KBTBD12: variants seen among roughly 807,000 people sequenced by gnomAD.
The protein encoded by KBTBD12 is kelch repeat and BTB domain-containing protein 12.
In KBTBD12, 53 loss-of-function variants were observed where a neutral mutation model predicts 58.7. The ratio of observed to expected loss-of-function variants is 0.90; its 90% confidence interval spans 0.72 to 1.14. KBTBD12 has a LOEUF of 1.14. KBTBD12 is among the 50% of genes most tolerant of loss of function. The probability of loss-of-function intolerance (pLI) is 0.00; values close to 1 mark genes in which losing one functional copy is unlikely to be tolerated. For missense variants in KBTBD12, 704 were observed against 751.3 expected, an observed-to-expected ratio of 0.94 and a Z score of 0.74; for synonymous variants, 236 against 259.8, an observed-to-expected ratio of 0.91 and a Z score of 0.88.
At chr3:127,969,725 C>T (rs953788765) in intron 5 of KBTBD12, among the ~76,000 whole-genome samples, 2 of 152,136 alleles carry the variant, frequency 1.3e-5, no homozygotes, top group African/African-American at 4.8e-5. Flanking sequence ...AGGAAAGGAT[C>T]CTTTTTTCAA....
chr3:127,923,003 C>A lies in KBTBD12; in HGVS notation c.-59C>A. 2 of 926,904 alleles carry A rather than the reference C, an allele frequency of 2.2e-6. No individual in the cohort carries two copies. The highest frequency in any genetic ancestry group is 1.6e-5 in the African/African-American group (1 of 60,608). 57.4% of individuals were successfully genotyped at this position (926,904 alleles called of 1,614,324 possible). A position where few individuals can be genotyped will look rare whatever the true frequency, so the allele number is the denominator to read the frequency against. ...ATGAGTAATCAGACATGCAAATAGC[C>A]CCTCAGGAATCAAGCTACACTTAAA... is the stretch of plus-strand genomic sequence containing the variant. On this transcript the variant is annotated 5_prime_UTR_variant, in exon 2 of 6. Coordinates refer to ENST00000405109, the MANE Select transcript of KBTBD12 (RefSeq NM_207335.4).
At chr3:127,933,553 A>T (rs146249479) in intron 4 of KBTBD12, among the ~76,000 whole-genome samples, 9 of 152,300 alleles carry the variant, frequency 5.9e-5, no homozygotes, top group African/African-American at 2.2e-4. Flanking sequence ...AAAGCTGCAT[A>T]AACATGCAGC....
intron 2 of KBTBD12, among the ~76,000 whole-genome samples, chr3:127,926,536 C>G (rs4857876): frequency 0.073 from 11,037 of 152,182 alleles, 500 homozygotes; most frequent in Non-Finnish European, 0.099. Flanking sequence ...TTTCTACATT[C>G]AGCTGTGACA....
intron 4 of KBTBD12, among the ~76,000 whole-genome samples, chr3:127,950,816 G>C (rs1269433105): frequency 6.6e-6 from 1 of 152,156 alleles, no homozygotes; most frequent in Non-Finnish European, 1.5e-5. Context: ...TGGATCACCT[G>C]AGGTCAGGAG....
rs190305080 is a variant in KBTBD12 at position 127,923,130 on chromosome 3, C to T, written c.69C>T (p.Asn23=). The stretch of plus-strand genomic sequence containing the variant: ...TGAATTTACTGAATAAAATTCAGAA[C>T]ATGAAAGAATTAGCAGAAATGATTG... ...HSLNLLNKIQ[N]MKELAEMIDV... Residue 23 remains asparagine (N), a synonymous_variant, in exon 2 of 6, where the codon AAC becomes AAT. Transcript: ENST00000405109. 274 of 1,612,354 alleles carry T rather than the reference C, an allele frequency of 1.7e-4. No homozygotes were observed. The highest frequency in any genetic ancestry group is 1.2e-3 in the Middle Eastern group (7 of 6,056).
Position 127,922,995 on chromosome 3 carries a change from C to G in KBTBD12, c.-67C>G. ...GTAGCTTCATGAGTAATCAGACATG[C>G]AAATAGCCCCTCAGGAATCAAGCTA... is the stretch of plus-strand genomic sequence containing the variant. On this transcript the variant is annotated 5_prime_UTR_variant, in exon 2 of 6. Transcript: ENST00000405109. 2.3e-6 allele frequency: 2 copies of G among 875,684 alleles called. No homozygotes were observed. The highest frequency in any genetic ancestry group is 3.6e-6 in the Non-Finnish European group (2 of 550,568). The allele number at this position is 875,684 out of a possible 1,614,324, so 54.2% of individuals were successfully genotyped here. A position where few individuals can be genotyped will look rare whatever the true frequency, so the allele number is the denominator to read the frequency against.
intron 5 of KBTBD12, among the ~76,000 whole-genome samples, chr3:127,964,215 A>G (rs1940514500): frequency 6.6e-6 from 1 of 152,208 alleles, no homozygotes; most frequent in African/African-American, 2.4e-5. Flanking sequence ...CATACCCATG[A>G]AAACATGTGC....
Position 127,963,399 on chromosome 3 carries a change from T to C in KBTBD12, c.1690+13T>C. 2 of 1,574,928 alleles carry C rather than the reference T, an allele frequency of 1.3e-6. No homozygotes were observed. The highest frequency in any genetic ancestry group is 1.7e-6 in the Non-Finnish European group (2 of 1,159,258). On this transcript the variant is annotated intron_variant, in intron 5 of 5. Coordinates refer to ENST00000405109, the MANE Select transcript of KBTBD12 (RefSeq NM_207335.4). ...TTCCATGGAGCAGGTATGGGTCCAGTTTTAAACATTTTGTTACCTCCTTTG... is the reference window on the plus strand; with the variant it reads ...TTCCATGGAGCAGGTATGGGTCCAGCTTTAAACATTTTGTTACCTCCTTTG...
At chr3:127,976,909 A>G (rs1940794208) in intron 5 of KBTBD12, among the ~76,000 whole-genome samples, 1 of 152,104 alleles carries the variant, frequency 6.6e-6, no homozygotes, top group Non-Finnish European at 1.5e-5. Flanking sequence ...TTTGTTATAT[A>G]GGTAAATTGT....
At position 127,984,184 on chromosome 3, in the gene KBTBD12, A is replaced by G; in HGVS notation, c.1778A>G (p.His593Arg). ...GTTGTAGCCATCAACGTCCTCATGC[A>G]TGACAGCTATGATGTCTGCCTAGTA... is the stretch of plus-strand genomic sequence containing the variant. ...WNVVAINVLMHDSYDVCLVAR... is the reference protein window; with the variant it reads ...WNVVAINVLMRDSYDVCLVAR... Residue 593 changes from histidine to arginine, a missense_variant, in exon 6 of 6, where the codon CAT becomes CGT. His to Arg is a conservative substitution (Grantham distance 29). Transcript: ENST00000405109. 1 of 1,613,780 alleles carries G rather than the reference A, an allele frequency of 6.2e-7. No homozygotes were observed.
chr3:127,971,653 C>T (rs917343237), intron 5 of KBTBD12, among the ~76,000 whole-genome samples: 23 of 152,168 alleles, frequency 1.5e-4, no homozygotes, highest in African/African-American at 5.3e-4. Flanking sequence ...GCTCAGGGAG[C>T]AGGCTGAGGG....
At chr3:127,971,525 T>G (rs1368426108) in intron 5 of KBTBD12, among the ~76,000 whole-genome samples, 1 of 152,216 alleles carries the variant, frequency 6.6e-6, no homozygotes, top group African/African-American at 2.4e-5. Context: ...GGCTCTGGTT[T>G]CTGTCTGTTT....
chr3:127,916,163 C>CAAAGAAAAGA (rs60190516), intron 1 of KBTBD12, among the ~76,000 whole-genome samples: 17 of 152,042 alleles, frequency 1.1e-4, no homozygotes, highest in East Asian at 1.9e-4. Context: ...GTGAACTCGG[C>CAAAGAAAAGA]AAAGAAAAGA....
chr3:127,980,457 G>A (rs946040044), intron 5 of KBTBD12, among the ~76,000 whole-genome samples: 2 of 152,150 alleles, frequency 1.3e-5, no homozygotes, highest in African/African-American at 4.8e-5. Flanking sequence ...AGCCTCCCAA[G>A]TAGCTGGGAC....
chr3:127,962,201 G>A (rs1940455157), intron 4 of KBTBD12, among the ~76,000 whole-genome samples: 2 of 152,192 alleles, frequency 1.3e-5, no homozygotes, highest in Admixed American at 6.5e-5. Context: ...CTCCTTCCGG[G>A]GGGTTTACCT....
At chr3:127,974,610 C>T (rs1383101624) in intron 5 of KBTBD12, among the ~76,000 whole-genome samples, 1 of 152,206 alleles carries the variant, frequency 6.6e-6, no homozygotes, top group Non-Finnish European at 1.5e-5. Flanking sequence ...TGCTCAGGGA[C>T]AAGTTCCCTG....
At chr3:127,941,772 GTAT>G (rs1358697844) in intron 4 of KBTBD12, among the ~76,000 whole-genome samples, 1 of 152,024 alleles carries the variant, frequency 6.6e-6, no homozygotes, top group Non-Finnish European at 1.5e-5. Context: ...GCTCATTTTT[GTAT>G]TATTAGTAGA....
At chr3:127,931,584 T>C (rs1441004589) in intron 4 of KBTBD12, among the ~76,000 whole-genome samples, 2 of 152,092 alleles carry the variant, frequency 1.3e-5, no homozygotes, top group East Asian at 1.9e-4. Context: ...GAATGAGATT[T>C]CCCCCTAAAG....
At chr3:127,962,638 C>G (rs1559771786) in intron 4 of KBTBD12, among the ~76,000 whole-genome samples, 1 of 152,098 alleles carries the variant, frequency 6.6e-6, no homozygotes, top group Non-Finnish European at 1.5e-5. Flanking sequence ...CTATATCATC[C>G]AAAACTGGAA....
Sources: allele counts gnomAD v4.1 joint callset (sites outside exome capture counted in the v4.1 genomes callset), GRCh38; gene constraint gnomAD v4.1.1; transcripts MANE v1.5; gene names NCBI Gene and HGNC (gene_info 2026-07-23, HGNC 2026-07-21).